CPLANE2: variants seen among roughly 807,000 people sequenced by gnomAD.
CPLANE2 encodes the protein ciliogenesis and planar polarity effector complex subunit 2, also known as ciliogenesis and planar polarity effector 2.
In CPLANE2, 24 loss-of-function variants were observed where a neutral mutation model predicts 20.9. The observed-to-expected ratio is 1.15, with a 90% CI of 0.83 to 1.61. The LOEUF (loss-of-function observed/expected upper bound fraction) is 1.61, where lower values mean the gene tolerates loss of function less well. Among genes scored for constraint, CPLANE2 ranks in the 40% most tolerant of loss-of-function variants. The pLI is 0.00. For synonymous variants in CPLANE2, 132 were observed against 144.3 expected (o/e 0.92, Z 0.61); for missense variants, 330 against 355.1 (o/e 0.93, Z 0.57).
chr1:16,233,523 C>T (rs2081440647), intron 2 of CPLANE2, 89 bp downstream of exon 2: 4 of 1,471,888 alleles, frequency 2.7e-6, no homozygotes, highest in Non-Finnish European at 9.3e-7. Context: ...TCCAAGGCTA[C>T]AGAGTAAGAG....
In CPLANE2 at chr1:16,232,142, G is replaced by C; in HGVS notation, c.683C>G (p.Ala228Gly). Residue 228 changes from alanine (A) to glycine (G), a missense_variant, in exon 5 of 5, where the codon GCC (alanine) becomes GGC (glycine). Transcript: ENST00000375599. ...CTCAGCAAGGCCATTGAGTATGTGG[G>C]CAACGTCGGCCAGCCCAGCCCGCCC... ...LDGRAGLADV[A>G]HILNGLAEQL... 4 of 1,613,482 alleles carry C rather than the reference G, an allele frequency of 2.5e-6. No individual in the cohort carries two copies. Among genetic ancestry groups the C allele is most frequent in the Non-Finnish European group, 3.4e-6 (4 of 1,180,002 alleles).
In CPLANE2 at chr1:16,232,991, G is replaced by A. The variant is rs866252608; in HGVS notation, c.292C>T (p.Pro98Ser). Residue 98 changes from proline to serine, a missense_variant, in exon 3 of 5, where the codon CCA (proline) becomes TCA (serine). Coordinates refer to ENST00000375599, the MANE Select transcript of CPLANE2 (RefSeq NM_030907.4). ...CGGCTGCTGGCCTGCAGCTTGGCTG[G>A]CCAAAATACCACGGTGGTCTGGATG... ...TGIQTTVVFW[P>S]AKLQASSRVV... 6.2e-7 allele frequency: 1 copy of A among 1,614,190 alleles called. No individual in the cohort carries two copies.
At chr1:16,233,154 T>C in intron 2 of CPLANE2, 137 bp from the exon 3 acceptor site, 6 of 960,052 alleles carry the variant, frequency 6.2e-6, no homozygotes, top group Non-Finnish European at 7.8e-6. Flanking sequence ...GCACAGTCCT[T>C]GACCCGGGAT....
Position 16,236,915 on chromosome 1 carries a change from T to C in CPLANE2, c.-173A>G, listed in dbSNP as rs1236497546. 1 of 618,830 alleles carries C rather than the reference T, an allele frequency of 1.6e-6. No individual in the cohort carries two copies. Among genetic ancestry groups the C allele is most frequent in the African/African-American group, 1.8e-5 (1 of 55,034 alleles). 38.3% of individuals were successfully genotyped at this position (618,830 alleles called of 1,614,324 possible). On this transcript the variant is annotated 5_prime_UTR_variant, in exon 1 of 5. Transcript: ENST00000375599. Reference sequence around the variant, plus strand: ...CGCCTCTCTCCTTCGCAATGCTCCCTGGGGATAGTCATCCCATTACTGCCC... The same window carrying C: ...CGCCTCTCTCCTTCGCAATGCTCCCCGGGGATAGTCATCCCATTACTGCCC...
chr1:16,232,807 A>T (rs905469992), intron 3 of CPLANE2, 86 bp downstream of exon 3: 9 of 1,575,874 alleles, frequency 5.7e-6, no homozygotes, highest in Non-Finnish European at 7.8e-6. Context: ...CTCCAGTGCC[A>T]GCTCAGGTCT....
rs1317695192 is a variant in CPLANE2, at chr1:16,233,648, C to T, written c.229G>A (p.Gly77Ser). The T allele has an allele frequency of 6.2e-7, 1 of 1,614,180 alleles. No homozygotes were observed. The highest frequency in any genetic ancestry group is 1.7e-5 in the Admixed American group (1 of 60,032). ...TGGTGCACCACAGGCACCTCCAGGC[C>T]AGCCAGCTTGGCCACCAGCGCCGTC... is the stretch of plus-strand genomic sequence containing the variant. Reference protein sequence around the residue: ...GKTALVAKLAGLEVPVVHHET... With the variant: ...GKTALVAKLASLEVPVVHHET... Residue 77 changes from glycine (G) to serine (S), a missense_variant, in exon 2 of 5, where the codon GGC becomes AGC. Coordinates refer to ENST00000375599, the MANE Select transcript of CPLANE2 (RefSeq NM_030907.4).
chr1:16,236,959 G>A lies in CPLANE2; in HGVS notation c.-217C>T. The A allele has an allele frequency of 1.8e-6, 1 of 543,920 alleles. No individual in the cohort carries two copies. The highest frequency in any genetic ancestry group is 3.4e-6 in the Non-Finnish European group (1 of 298,422). 33.7% of individuals were successfully genotyped at this position (543,920 alleles called of 1,614,324 possible). ...ACTGCCCATGGAGGGTATTCACACA[G>A]CCCCTCTCCCCTTGTCACCTCCGGG... On this transcript the variant is annotated 5_prime_UTR_variant, in exon 1 of 5. Transcript: ENST00000375599.
intron 1 of CPLANE2, among the ~76,000 whole-genome samples, chr1:16,234,361 C>G (rs1428150870): frequency 6.6e-6 from 1 of 152,112 alleles, no homozygotes; most frequent in African/African-American, 2.4e-5. Context: ...GAGATCACAC[C>G]ACTGCACTCC....
At position 16,232,281 on chromosome 1, in the gene CPLANE2, G is replaced by A; in HGVS notation, c.544C>T (p.His182Tyr). ...AGGTCCCGCTCGGGCACGTCCGTGT[G>A]CATGTACTGGTCAAATCTGGAGGAG... ...VIGSKFDQYM[H>Y]TDVPERDLTA... is the part of the protein sequence containing the mutation. Residue 182 changes from histidine to tyrosine, a missense_variant, in exon 5 of 5, where the codon CAC (histidine) becomes TAC (tyrosine). Transcript: ENST00000375599. 3 of 1,607,552 alleles carry A rather than the reference G, an allele frequency of 1.9e-6. No homozygotes were observed. Among genetic ancestry groups the A allele is most frequent in the Non-Finnish European group, 2.5e-6 (3 of 1,178,488 alleles).
intron 1 of CPLANE2, among the ~76,000 whole-genome samples, chr1:16,235,176 T>C (rs576217880): frequency 1.4e-4 from 22 of 152,316 alleles, no homozygotes; most frequent in Non-Finnish European, 2.6e-4. Flanking sequence ...GAATGATACA[T>C]TCAGGTGCAT....
intron 1 of CPLANE2, 91 bp from the exon 2 acceptor site, chr1:16,233,855 T>A: frequency 7.0e-7 from 1 of 1,420,190 alleles, no homozygotes; most frequent in Admixed American, 1.9e-5. Context: ...TAATCGCCAA[T>A]GCACCAGTGT....
At chr1:16,234,332 A>G (rs547363573) in intron 1 of CPLANE2, among the ~76,000 whole-genome samples, 1 of 152,010 alleles carries the variant, frequency 6.6e-6, no homozygotes, top group African/African-American at 2.4e-5. Context: ...TGAACCTGGG[A>G]GGTGGAAGTT....
intron 2 of CPLANE2, 111 bp from the exon 3 acceptor site, chr1:16,233,128 T>C (rs2100392388): frequency 8.1e-7 from 1 of 1,228,146 alleles, no homozygotes; most frequent in Non-Finnish European, 1.2e-6. Context: ...GATGGGTCCC[T>C]AGTTTGATGA....
In CPLANE2 at chr1:16,232,139, T is replaced by A; in HGVS notation, c.686A>T (p.His229Leu). Reference protein sequence around the residue: ...DGRAGLADVAHILNGLAEQLW... With the variant: ...DGRAGLADVALILNGLAEQLW... ...CTGCTCAGCAAGGCCATTGAGTATG[T>A]GGGCAACGTCGGCCAGCCCAGCCCG... Residue 229 changes from histidine to leucine, a missense_variant, in exon 5 of 5, where the codon CAC (histidine) becomes CTC (leucine). By Grantham distance (99) the His-to-Leu change is moderately conservative. Coordinates refer to ENST00000375599, the MANE Select transcript of CPLANE2 (RefSeq NM_030907.4). The A allele has an allele frequency of 1.2e-6, 2 of 1,613,494 alleles. No individual in the cohort carries two copies.
chr1:16,232,383 C>T lies in CPLANE2; in HGVS notation c.528-86G>A, dbSNP rs1419803074. 4 of 1,528,366 alleles carry T rather than the reference C, an allele frequency of 2.6e-6. No homozygotes were observed. The African/African-American group carries it at 4.1e-5, about 16-fold the overall frequency. 94.7% of individuals were successfully genotyped at this position (1,528,366 alleles called of 1,614,324 possible). On this transcript the variant is annotated intron_variant, in intron 4 of 4. Coordinates refer to ENST00000375599, the MANE Select transcript of CPLANE2 (RefSeq NM_030907.4). ...CTCTCCCTCCTCCCTGGAGCCCACA[C>T]CCAGGAGCTGGGGTAGCCATGCTGT...
At chr1:16,235,426 C>A (rs574533916) in intron 1 of CPLANE2, among the ~76,000 whole-genome samples, 1 of 152,278 alleles carries the variant, frequency 6.6e-6, no homozygotes, top group South Asian at 2.1e-4. Flanking sequence ...TCAGTGAACA[C>A]CCACTGCATG....
chr1:16,235,095 A>G (rs921287329), intron 1 of CPLANE2, among the ~76,000 whole-genome samples: 3 of 152,218 alleles, frequency 2.0e-5, no homozygotes, highest in African/African-American at 7.2e-5. Flanking sequence ...CCTAAGCATT[A>G]TAGTCAGTCT....
Position 16,232,598 on chromosome 1 carries a change from C to T in CPLANE2, c.439G>A (p.Asp147Asn). ...GGGAGGTCTTCAAAGGAGGCACGGT[C>T]AGTGAAGGAGAAGAGGAAGAGGAAG... Reference protein sequence around the residue: ...DAFLFLFSFTDRASFEDLPGQ... With the variant: ...DAFLFLFSFTNRASFEDLPGQ... Residue 147 changes from aspartate to asparagine, a missense_variant, in exon 4 of 5, where the codon GAC (aspartate) becomes AAC (asparagine). By Grantham distance (23) the Asp-to-Asn change is conservative. Coordinates refer to ENST00000375599, the MANE Select transcript of CPLANE2 (RefSeq NM_030907.4). 2 of 1,614,058 alleles carry T rather than the reference C, an allele frequency of 1.2e-6. No individual in the cohort carries two copies. The highest frequency in any genetic ancestry group is 1.7e-6 in the Non-Finnish European group (2 of 1,180,014).
chr1:16,232,339 GC>G, intron 4 of CPLANE2, 42 bp from the exon 5 acceptor site: 2 of 1,569,190 alleles, frequency 1.3e-6, no homozygotes, highest in South Asian at 1.2e-5. Flanking sequence ...CCTCTGCACA[GC>G]CCCCCATCAG....
Sources: gnomAD v4.1 joint callset for allele counts (sites outside exome capture counted in the v4.1 genomes callset) on GRCh38, gnomAD v4.1.1 for gene constraint, MANE v1.5 for transcripts, NCBI Gene and HGNC (gene_info 2026-07-23, HGNC 2026-07-21) for gene names.